Variants in STAB2 observed in about 807,000 individuals in gnomAD.
STAB2 encodes the protein stabilin 2, also known as stabilin-2.
Under a neutral mutation model 338.1 loss-of-function variants are expected in STAB2, and 288 were observed. The observed-to-expected ratio is 0.85, with a 90% confidence interval of 0.77 to 0.94. The LOEUF (loss-of-function observed/expected upper bound fraction) is 0.94, where lower values mean the gene tolerates loss of function less well. STAB2 is among the 40% of genes least tolerant of loss of function. STAB2 has a pLI of 0.00. For missense variants in STAB2, 3,141 were observed against 3,210.1 expected (o/e 0.98, Z 0.52); for synonymous variants, 1,202 against 1,193.3 (o/e 1.01, Z -0.15).
chr12:103,655,215 T>C (rs1874090091), intron 13 of STAB2, 36 bp from the exon 14 acceptor site: 2 of 1,572,222 alleles, frequency 1.3e-6, no homozygotes, highest in Non-Finnish European at 1.7e-6. Context: ...CACAATATTT[T>C]ATTTCCTGAT....
intron 42 of STAB2, among the ~76,000 whole-genome samples, chr12:103,714,038 T>C (rs907410175): frequency 6.6e-6 from 1 of 152,236 alleles, no homozygotes; most frequent in Non-Finnish European, 1.5e-5. Flanking sequence ...ATTAGTTCCT[T>C]TTTATACAAG....
At chr12:103,723,326 A>C (rs569422036) in intron 44 of STAB2, among the ~76,000 whole-genome samples, 1 of 152,342 alleles carries the variant, frequency 6.6e-6, no homozygotes, top group African/African-American at 2.4e-5. Context: ...CATGTCTCAC[A>C]TGGTGGCAGA....
At position 103,666,341 on chromosome 12, in the gene STAB2, C is replaced by A. The variant is rs577289456; in HGVS notation, c.2073C>A (p.Asn691Lys). ...SLVYWSRCPA[N>K]SEPTALFTHR... is the part of the protein sequence containing the mutation. ...TGTACTGGAGCAGATGTCCTGCTAA[C>A]TCTGAGCCCACAGTGAGTGTGACAG... The change falls in exon 19 of 69, where the codon AAC (asparagine) becomes AAA (lysine). Residue 691 changes from asparagine (N) to lysine (K), a missense_variant. Asn to Lys is a moderately conservative substitution (Grantham distance 94, BLOSUM62 0). Transcript: ENST00000388887. 6.8e-6 allele frequency: 11 copies of A among 1,614,086 alleles called. No homozygotes were observed. Among genetic ancestry groups the A allele is most frequent in the Non-Finnish European group, 9.3e-6 (11 of 1,180,028 alleles).
intron 8 of STAB2, 142 bp downstream of exon 8, chr12:103,638,354 T>C: frequency 1.1e-6 from 1 of 896,070 alleles, no homozygotes; most frequent in South Asian, 2.0e-5. Context: ...GTCCTCCATG[T>C]GCTCAGAGCC....
At chr12:103,653,710 A>AGATTGATG (rs544948595) in intron 12 of STAB2, among the ~76,000 whole-genome samples, 1 of 122,986 alleles carries the variant, frequency 8.1e-6, no homozygotes, top group Non-Finnish European at 1.7e-5. Context: ...ATGGATGGAT[A>AGATTGATG]GATGGATGGA....
intron 22 of STAB2, 89 bp from the exon 23 acceptor site, chr12:103,673,818 G>T: frequency 7.2e-7 from 1 of 1,382,122 alleles, no homozygotes; most frequent in Non-Finnish European, 9.9e-7. Flanking sequence ...GGGGTGAGAA[G>T]AGGTGGTCCC....
intron 26 of STAB2, among the ~76,000 whole-genome samples, chr12:103,684,394 C>A (rs1392267694): frequency 2.0e-5 from 3 of 152,120 alleles, no homozygotes; most frequent in East Asian, 3.9e-4. Context: ...GGGACTAATT[C>A]TCTGATAGAA....
rs753304883 is a variant in STAB2 at position 103,695,765 on chromosome 12, C to T, written c.3503C>T (p.Ala1168Val). Residue 1168 changes from alanine (A) to valine (V), a missense_variant, in exon 33 of 69, where the codon GCT becomes GTT. By Grantham distance (64) the Ala-to-Val change is moderately conservative (BLOSUM62 0). Coordinates refer to ENST00000388887, the MANE Select transcript of STAB2 (RefSeq NM_017564.10). The part of the protein sequence containing the change: ...IQYNLANAIE[A>V]ADAYTVFAPN... ...TATAATCTGGCGAATGCAATTGAGG[C>T]TGCCGATGCCTACACAGTGTTTGCT... 1.2e-6 allele frequency: 2 copies of T among 1,614,160 alleles called. No homozygotes were observed. Among genetic ancestry groups the T allele is most frequent in the African/African-American group, 1.3e-5 (1 of 75,058 alleles).
chr12:103,702,791 G>A (rs1475889336), intron 34 of STAB2, among the ~76,000 whole-genome samples: 1 of 152,108 alleles, frequency 6.6e-6, no homozygotes, highest in Non-Finnish European at 1.5e-5. Context: ...CTTGCCGGTG[G>A]GCACTAACAT....
intron 37 of STAB2, among the ~76,000 whole-genome samples, 192 bp downstream of exon 37, chr12:103,705,919 T>C (rs1879309476): frequency 6.6e-6 from 1 of 151,898 alleles, no homozygotes; most frequent in Admixed American, 6.6e-5. Context: ...ATCCAGAAAA[T>C]GGGTAAAAGC....
rs879659817 is a variant in STAB2 at position 103,762,547 on chromosome 12, A to G, written c.7488+145A>G. On this transcript the variant is annotated intron_variant, in intron 67 of 68. Transcript: ENST00000388887. Reference sequence around the variant, plus strand: ...AGTAGCAGGGGCGGCCACCCACCCCACGCTTACTGCTGCTTGGATGGGGTC... The same window carrying G: ...AGTAGCAGGGGCGGCCACCCACCCCGCGCTTACTGCTGCTTGGATGGGGTC... 250 of 1,236,180 alleles carry G rather than the reference A, an allele frequency of 2.0e-4. 2 individuals carry two copies. The Admixed American group carries it at 5.3e-3, about 26-fold the overall frequency. 76.6% of individuals were successfully genotyped at this position (1,236,180 alleles called of 1,614,324 possible). A position where few individuals can be genotyped will look rare whatever the true frequency, so the allele number is the denominator to read the frequency against.
chr12:103,711,790 G>A (rs751447417), intron 40 of STAB2, among the ~76,000 whole-genome samples: 1 of 152,228 alleles, frequency 6.6e-6, no homozygotes, highest in Non-Finnish European at 1.5e-5. Flanking sequence ...CATGGAGACT[G>A]AGGAAACCCA....
At chr12:103,721,118 C>G (rs1433031601) in intron 44 of STAB2, among the ~76,000 whole-genome samples, 3 of 134,350 alleles carry the variant, frequency 2.2e-5, no homozygotes, top group African/African-American at 1.1e-4. Flanking sequence ...TCTAAAGGCC[C>G]CACCTCCTAA....
At chr12:103,597,615 G>A (rs1956896510) in intron 3 of STAB2, among the ~76,000 whole-genome samples, 1 of 152,214 alleles carries the variant, frequency 6.6e-6, no homozygotes, top group Non-Finnish European at 1.5e-5. Context: ...CTACCTGAAT[G>A]TAACCTGCTT....
intron 2 of STAB2, among the ~76,000 whole-genome samples, chr12:103,593,381 G>T (rs186533140): frequency 6.6e-6 from 1 of 152,084 alleles, no homozygotes; most frequent in Non-Finnish European, 1.5e-5. Flanking sequence ...TTGTGAGGAC[G>T]TATCCCATTG....
intron 19 of STAB2, among the ~76,000 whole-genome samples, chr12:103,666,928 T>C (rs1875161552): frequency 6.6e-6 from 1 of 152,258 alleles, no homozygotes; most frequent in Admixed American, 6.5e-5. Context: ...AGAAATCATT[T>C]CATTTTGCTT....
At chr12:103,735,416 T>C in intron 51 of STAB2, 75 bp from the exon 52 acceptor site, 1 of 1,113,406 alleles carries the variant, frequency 9.0e-7, no homozygotes, top group South Asian at 1.7e-5. Context: ...ATTTGGTTTT[T>C]TGGTAAAGCT....
At chr12:103,725,161 T>A in intron 45 of STAB2, 67 bp downstream of exon 45, 1 of 1,583,206 alleles carries the variant, frequency 6.3e-7, no homozygotes, top group Admixed American at 1.7e-5. Flanking sequence ...TCCAGGTAGC[T>A]AAGGAGTATT....
intron 61 of STAB2, among the ~76,000 whole-genome samples, chr12:103,753,644 G>T (rs1173603255): frequency 6.6e-6 from 1 of 152,222 alleles, no homozygotes; most frequent in African/African-American, 2.4e-5. Flanking sequence ...GGCTTAGAAA[G>T]TTTAAGTACA....
Sources: allele counts gnomAD v4.1 joint callset (sites outside exome capture counted in the v4.1 genomes callset), GRCh38; gene constraint gnomAD v4.1.1; transcripts MANE v1.5; gene names NCBI Gene and HGNC (gene_info 2026-07-23, HGNC 2026-07-21).